Variants in CTNND2 observed in about 807,000 individuals in gnomAD.
The protein encoded by CTNND2 is catenin delta 2, also known as catenin delta-2.
In CTNND2, 22 loss-of-function variants were observed where a neutral mutation model predicts 144.4. The observed-to-expected ratio is 0.15, with a 90% CI of 0.11 to 0.22. The LOEUF (loss-of-function observed/expected upper bound fraction) is 0.22. Ranked by LOEUF, CTNND2 falls within the 10% of genes least tolerant of loss-of-function variation. The probability of loss-of-function intolerance (pLI) is 1.00; values close to 1 mark genes in which losing one functional copy is unlikely to be tolerated. For synonymous variants in CTNND2, 751 were observed against 695.6 expected (o/e 1.08, Z -1.25); for missense variants, 1,353 against 1,618.8 (o/e 0.84, Z 2.82).
intron 8 of CTNND2, among the ~76,000 whole-genome samples, chr5:11,362,703 C>A (rs539307164): frequency 6.6e-6 from 1 of 151,462 alleles, no homozygotes; most frequent in Non-Finnish European, 1.5e-5. Flanking sequence ...CAGGAAAAGC[C>A]CCCAGCAAAT....
At chr5:11,140,193 A>T (rs555695089) in intron 12 of CTNND2, among the ~76,000 whole-genome samples, 23 of 152,294 alleles carry the variant, frequency 1.5e-4, no homozygotes, top group African/African-American at 5.1e-4. Context: ...TGAAGGTCAG[A>T]CTATTTTTTC....
intron 2 of CTNND2, among the ~76,000 whole-genome samples, chr5:11,653,793 G>A (rs1782774336): frequency 6.6e-6 from 1 of 151,380 alleles, no homozygotes; most frequent in Non-Finnish European, 1.5e-5. Flanking sequence ...TGATTTGGGA[G>A]TCATATTCAC....
chr5:10,975,948 T>G (rs61752730), intron 21 of CTNND2, among the ~76,000 whole-genome samples: 2,595 of 152,284 alleles, frequency 0.017, 164 homozygotes, highest in Admixed American at 0.12. Context: ...GGTATCAGCT[T>G]TTTCAGCCTC....
chr5:11,258,528 C>A (rs1744520007), intron 9 of CTNND2, among the ~76,000 whole-genome samples: 1 of 152,194 alleles, frequency 6.6e-6, no homozygotes, highest in Admixed American at 6.5e-5. Context: ...GCAAGCGAAC[C>A]TGGTCATCAC....
intron 13 of CTNND2, among the ~76,000 whole-genome samples, chr5:11,113,511 T>G (rs1258489513): frequency 6.6e-6 from 1 of 152,132 alleles, no homozygotes; most frequent in Admixed American, 6.5e-5. Flanking sequence ...AAACGTTTGC[T>G]GGTTAAGACA....
intron 16 of CTNND2, among the ~76,000 whole-genome samples, chr5:11,042,427 A>G (rs1481337433): frequency 6.6e-6 from 1 of 152,250 alleles, no homozygotes. Context: ...TTCGTAAACT[A>G]GAGAGATATG....
In CTNND2 at chr5:11,575,053, A is replaced by T. The variant is rs192540696; in HGVS notation, c.175-9997T>A. On this transcript the variant is annotated intron_variant, in intron 2 of 21. Coordinates refer to ENST00000304623, the MANE Select transcript of CTNND2 (RefSeq NM_001332.4). ...ACTTCATTTAATTGCCATCTGTTCTATATATATGCACATTTCTGACCTCAC... is the reference window on the plus strand; with the variant it reads ...ACTTCATTTAATTGCCATCTGTTCTTTATATATGCACATTTCTGACCTCAC... Among the ~76,000 whole-genome samples the T allele has an allele frequency of 2.0e-3, 302 of 152,294 alleles. 3 individuals are homozygous for T. The highest frequency in any genetic ancestry group is 0.011 in the South Asian group (55 of 4,826).
chr5:11,147,277 G>A (rs189959558), intron 12 of CTNND2, among the ~76,000 whole-genome samples: 15 of 152,282 alleles, frequency 9.9e-5, no homozygotes, highest in African/African-American at 3.6e-4. Context: ...GCTTTGACAA[G>A]GCCATAGAGA....
chr5:11,860,480 AGT>A (rs1306540943), intron 1 of CTNND2, among the ~76,000 whole-genome samples: 2 of 152,332 alleles, frequency 1.3e-5, no homozygotes, highest in East Asian at 3.9e-4. Flanking sequence ...TCACCGTTTT[AGT>A]ATCTTAATTG....
chr5:11,250,491 C>CTCTCTCTCTCTCTCTCTA (rs869141186), intron 9 of CTNND2, among the ~76,000 whole-genome samples: 6 of 64,110 alleles, frequency 9.4e-5, no homozygotes, highest in Admixed American at 4.7e-4. Flanking sequence ...CTCTCTCTCT[C>CTCTCTCTCTCTCTCTCTA]TATATATATA....
chr5:11,626,457 C>T (rs551563532), intron 2 of CTNND2, among the ~76,000 whole-genome samples: 1 of 152,294 alleles, frequency 6.6e-6, no homozygotes, highest in East Asian at 1.9e-4. Flanking sequence ...CTATGAAACA[C>T]TATCATATTA....
chr5:11,505,179 A>G (rs1770904308), intron 3 of CTNND2, among the ~76,000 whole-genome samples: 1 of 150,044 alleles, frequency 6.7e-6, no homozygotes, highest in South Asian at 2.1e-4. Context: ...AAATACGACA[A>G]ATGATAAGAG....
At chr5:11,671,534 A>C (rs977531563) in intron 2 of CTNND2, among the ~76,000 whole-genome samples, 9 of 151,382 alleles carry the variant, frequency 5.9e-5, no homozygotes, top group African/African-American at 2.2e-4. Flanking sequence ...AATGATCTTC[A>C]ATCTCTGATA....
At chr5:11,565,841 T>G (rs1356246794) in intron 2 of CTNND2, among the ~76,000 whole-genome samples, 1 of 152,180 alleles carries the variant, frequency 6.6e-6, no homozygotes, top group Non-Finnish European at 1.5e-5. Flanking sequence ...TACACTTAAG[T>G]TTTTTTAAAA....
intron 9 of CTNND2, among the ~76,000 whole-genome samples, chr5:11,315,124 C>T (rs939397017): frequency 2.0e-5 from 3 of 152,074 alleles, no homozygotes; most frequent in African/African-American, 7.2e-5. Flanking sequence ...AAACAGGAAA[C>T]CCTAGTAGCA....
chr5:11,086,861 G>C (rs528066367), intron 15 of CTNND2, among the ~76,000 whole-genome samples: 9 of 152,188 alleles, frequency 5.9e-5, no homozygotes, highest in Non-Finnish European at 1.2e-4. Flanking sequence ...CCTGAAAGGA[G>C]ATTAATACTA....
chr5:11,220,827 C>T (rs1025925397), intron 10 of CTNND2, among the ~76,000 whole-genome samples: 3 of 152,166 alleles, frequency 2.0e-5, no homozygotes, highest in African/African-American at 7.2e-5. Flanking sequence ...CACACCGTTT[C>T]CAGGGGACAT....
intron 7 of CTNND2, among the ~76,000 whole-genome samples, chr5:11,371,896 G>A (rs1485557441): frequency 1.3e-5 from 2 of 152,094 alleles, no homozygotes; most frequent in African/African-American, 4.8e-5. Context: ...CAGTGTAACA[G>A]GCCATCTGAT....
intron 3 of CTNND2, among the ~76,000 whole-genome samples, chr5:11,486,505 C>T (rs141600478): frequency 6.6e-6 from 1 of 151,862 alleles, no homozygotes; most frequent in East Asian, 1.9e-4. Context: ...TCTTTTTTTC[C>T]CCCCAAATTC....
Sources: gnomAD v4.1 joint callset for allele counts (sites outside exome capture counted in the v4.1 genomes callset) on GRCh38, gnomAD v4.1.1 for gene constraint, MANE v1.5 for transcripts, NCBI Gene and HGNC (gene_info 2026-07-23, HGNC 2026-07-21) for gene names.